Variants in ANKIB1 observed in about 807,000 individuals in gnomAD.
The protein encoded by ANKIB1 is ankyrin repeat and IBR domain-containing protein 1.
In ANKIB1, 43 loss-of-function variants were observed where a neutral mutation model predicts 122.1. That is an observed-to-expected ratio of 0.35 (90% confidence interval 0.28 to 0.45). The LOEUF is 0.45. Among genes scored for constraint, ANKIB1 ranks in the 20% least tolerant of loss-of-function variants. The probability of loss-of-function intolerance (pLI) is 1.00; values close to 1 mark genes in which losing one functional copy is unlikely to be tolerated. For missense variants in ANKIB1, 992 were observed against 1,329.5 expected, an observed-to-expected ratio of 0.75 and a Z score of 3.95; for synonymous variants, 390 against 442.0, an observed-to-expected ratio of 0.88 and a Z score of 1.48.
At chr7:92,390,873 G>A (rs762393779) in intron 15 of ANKIB1, among the ~76,000 whole-genome samples, 5 of 152,056 alleles carry the variant, frequency 3.3e-5, no homozygotes, top group Non-Finnish European at 5.9e-5. Context: ...CTTGTAAACA[G>A]CTGCTATACT....
intron 1 of ANKIB1, among the ~76,000 whole-genome samples, chr7:92,247,407 C>G (rs1384268317): frequency 6.6e-6 from 1 of 152,164 alleles, no homozygotes; most frequent in Non-Finnish European, 1.5e-5. Flanking sequence ...GCTTTTGAGA[C>G]AGACGTTTAA....
At chr7:92,339,206 T>C (rs1323533280) in intron 5 of ANKIB1, among the ~76,000 whole-genome samples, 1 of 150,726 alleles carries the variant, frequency 6.6e-6, no homozygotes, top group Non-Finnish European at 1.5e-5. Context: ...CACGCCTGGC[T>C]AATTTTTTTG....
intron 10 of ANKIB1, among the ~76,000 whole-genome samples, chr7:92,366,116 A>T (rs1804076900): frequency 6.6e-6 from 1 of 152,082 alleles, no homozygotes; most frequent in Admixed American, 6.6e-5. Context: ...CTAGTTGCCT[A>T]AAAGATTTAA....
At chr7:92,331,753 A>G (rs569108452) in intron 5 of ANKIB1, among the ~76,000 whole-genome samples, 9 of 152,302 alleles carry the variant, frequency 5.9e-5, no homozygotes, top group African/African-American at 1.4e-4. Flanking sequence ...ATTCAGTCAC[A>G]TGGCCACACC....
intron 1 of ANKIB1, among the ~76,000 whole-genome samples, chr7:92,291,614 G>C (rs1269240344): frequency 1.5e-4 from 21 of 136,846 alleles, no homozygotes; most frequent in African/African-American, 5.7e-4. Context: ...ACTGTGGCCT[G>C]GGCCTGGGCT....
At chr7:92,365,657 G>A (rs1481074579) in intron 10 of ANKIB1, among the ~76,000 whole-genome samples, 1 of 151,982 alleles carries the variant, frequency 6.6e-6, no homozygotes, top group African/African-American at 2.4e-5. Flanking sequence ...GGAGATTATT[G>A]AGAAACTAGG....
At position 92,327,914 on chromosome 7, in the gene ANKIB1, T is replaced by C. The variant is rs1457685668; in HGVS notation, c.787+14T>C. ...TTCGAGCTCATGGTAATGAAAGAAATGTCTTATGCTTCTAAGAACATGAGT... is the reference window on the plus strand; with the variant it reads ...TTCGAGCTCATGGTAATGAAAGAAACGTCTTATGCTTCTAAGAACATGAGT... On this transcript the variant is annotated intron_variant, in intron 5 of 19. Coordinates refer to ENST00000265742, the MANE Select transcript of ANKIB1 (RefSeq NM_019004.2). 8 of 1,510,282 alleles carry C rather than the reference T, an allele frequency of 5.3e-6. No individual in the cohort carries two copies. The highest frequency in any genetic ancestry group is 7.2e-6 in the Non-Finnish European group (8 of 1,112,440). The allele number at this position is 1,510,282 out of a possible 1,614,324, so 93.6% of individuals were successfully genotyped here.
At chr7:92,313,545 AT>A (rs1802734546) in intron 3 of ANKIB1, among the ~76,000 whole-genome samples, 4 of 152,186 alleles carry the variant, frequency 2.6e-5, no homozygotes, top group African/African-American at 9.7e-5. Context: ...GCTAAGGCCT[AT>A]ATTAACTATT....
chr7:92,279,876 GCACA>G (rs141023555), intron 1 of ANKIB1, among the ~76,000 whole-genome samples: 1 of 151,536 alleles, frequency 6.6e-6, no homozygotes, highest in Admixed American at 6.6e-5. Context: ...AAACAAACAA[GCACA>G]CACACACACA....
At chr7:92,395,319 A>G (rs1474377316) in intron 17 of ANKIB1, among the ~76,000 whole-genome samples, 1 of 152,206 alleles carries the variant, frequency 6.6e-6, no homozygotes, top group East Asian at 1.9e-4. Context: ...TGTTGTAAAT[A>G]GCACCACATA....
At chr7:92,365,515 T>C (rs946726163) in intron 10 of ANKIB1, among the ~76,000 whole-genome samples, 8 of 152,176 alleles carry the variant, frequency 5.3e-5, no homozygotes, top group East Asian at 1.9e-4. Flanking sequence ...AAATCAAGCA[T>C]TGGGCACAAA....
At chr7:92,368,760 G>C (rs1804162508) in intron 10 of ANKIB1, among the ~76,000 whole-genome samples, 1 of 152,056 alleles carries the variant, frequency 6.6e-6, no homozygotes, top group Non-Finnish European at 1.5e-5. Flanking sequence ...CAGACGTATA[G>C]AATAAGCATG....
chr7:92,375,850 A>G (rs1366438002), intron 11 of ANKIB1, among the ~76,000 whole-genome samples: 1 of 152,248 alleles, frequency 6.6e-6, no homozygotes, highest in East Asian at 1.9e-4. Flanking sequence ...CATTTCTTAA[A>G]TAATAAGACT....
rs558542169 is a variant in ANKIB1, at chr7:92,246,531, C to G, written c.-91+12C>G. 9.7e-6 allele frequency: 5 copies of G among 517,850 alleles called. No homozygotes were observed. Among genetic ancestry groups the G allele is most frequent in the Non-Finnish European group, 1.9e-5 (5 of 259,638 alleles). The allele number at this position is 517,850 out of a possible 1,614,324, so 32.1% of individuals were successfully genotyped here. On this transcript the variant is annotated intron_variant, in intron 1 of 19. Transcript: ENST00000265742. The stretch of plus-strand genomic sequence containing the variant: ...CGAGAGAAGTAACCGTAAGTCTCAG[C>G]TTCGCGGTACAGATGTGTTTGAGGC...
At chr7:92,372,702 A>G (rs548649356) in intron 11 of ANKIB1, among the ~76,000 whole-genome samples, 31 of 152,312 alleles carry the variant, frequency 2.0e-4, no homozygotes, top group African/African-American at 7.5e-4. Flanking sequence ...ACAGGAAGAA[A>G]CAGCAGTGTG....
intron 4 of ANKIB1, among the ~76,000 whole-genome samples, chr7:92,321,364 A>G (rs1802907964): frequency 6.6e-6 from 1 of 152,172 alleles, no homozygotes; most frequent in Non-Finnish European, 1.5e-5. Flanking sequence ...TTCCTGTCTT[A>G]TCTGAAACTT....
chr7:92,388,902 A>T (rs1019329825), intron 14 of ANKIB1, among the ~76,000 whole-genome samples: 13 of 152,320 alleles, frequency 8.5e-5, no homozygotes, highest in African/African-American at 2.9e-4. Context: ...TTCATTAATG[A>T]TATAACTATA....
chr7:92,305,358 A>G (rs916436859), intron 2 of ANKIB1, among the ~76,000 whole-genome samples: 5 of 152,172 alleles, frequency 3.3e-5, no homozygotes, highest in African/African-American at 1.2e-4. Flanking sequence ...GTCCCATGTC[A>G]CTGATCTAGG....
At chr7:92,271,161 G>A (rs1276243731) in intron 1 of ANKIB1, among the ~76,000 whole-genome samples, 1 of 151,838 alleles carries the variant, frequency 6.6e-6, no homozygotes, top group African/African-American at 2.4e-5. Context: ...TTAGGTGACG[G>A]CACTTTTTTT....
Sources: allele counts gnomAD v4.1 joint callset (sites outside exome capture counted in the v4.1 genomes callset), GRCh38; gene constraint gnomAD v4.1.1; transcripts MANE v1.5; gene names NCBI Gene and HGNC (gene_info 2026-07-23, HGNC 2026-07-21).